AZIN2: variants seen among roughly 807,000 people sequenced by gnomAD.
The protein encoded by AZIN2 is antizyme inhibitor 2, also known as ODC antizyme inhibitor-2.
A neutral mutation model predicts 47.8 loss-of-function variants in AZIN2; 28 were observed. The ratio of observed to expected loss-of-function variants is 0.59; its 90% CI spans 0.43 to 0.80. AZIN2 has a LOEUF of 0.80. Among genes scored for constraint, AZIN2 ranks in the 30% least tolerant of loss-of-function variants. The probability of loss-of-function intolerance (pLI) is 0.00; values close to 1 mark genes in which losing one functional copy is unlikely to be tolerated. For missense variants in AZIN2, 535 were observed against 582.5 expected, an observed-to-expected ratio of 0.92 and a Z score of 0.84; for synonymous variants, 221 against 239.4, an observed-to-expected ratio of 0.92 and a Z score of 0.71.
chr1:33,153,625 C>T, the AZIN2 span, among the ~76,000 whole-genome samples: 1 of 152,160 alleles, frequency 6.6e-6, no homozygotes, highest in Non-Finnish European at 1.5e-5. Context: ...GGGGTGATGG[C>T]AAGTTCCACA....
the AZIN2 span, among the ~76,000 whole-genome samples, chr1:33,151,872 C>T: frequency 6.6e-6 from 1 of 152,250 alleles, no homozygotes; most frequent in Admixed American, 6.5e-5. Context: ...GGGCACAGCC[C>T]AGCACAGCTG....
At chr1:33,101,797 G>A (rs768725151) in intron 10 of AZIN2, 9 of 774,356 alleles carry the variant, frequency 1.2e-5, no homozygotes, top group Middle Eastern at 2.2e-4. Context: ...TTTGATGCAT[G>A]TAACCTGTTT....
chr1:33,155,627 C>T, the AZIN2 span, among the ~76,000 whole-genome samples: 3 of 152,142 alleles, frequency 2.0e-5, no homozygotes, highest in Non-Finnish European at 2.9e-5. Context: ...ATTTCCAAGT[C>T]GTGACCAAGG....
chr1:33,153,893 G>A, the AZIN2 span, among the ~76,000 whole-genome samples: 1 of 152,166 alleles, frequency 6.6e-6, no homozygotes, highest in Non-Finnish European at 1.5e-5. Context: ...ATCAGACCTG[G>A]CCCCTGACCC....
chr1:33,085,032 AT>A (rs1226101639), intron 5 of AZIN2, among the ~76,000 whole-genome samples: 2 of 152,148 alleles, frequency 1.3e-5, no homozygotes, highest in South Asian at 2.1e-4. Flanking sequence ...TGCTTAGTTT[AT>A]TTATTTCTAT....
At chr1:33,148,978 C>T in the AZIN2 span, among the ~76,000 whole-genome samples, 1 of 152,176 alleles carries the variant, frequency 6.6e-6, no homozygotes, top group South Asian at 2.1e-4. Flanking sequence ...ACTTCTGCCC[C>T]CTACCCCACT....
chr1:33,165,445 C>T, the AZIN2 span: 5 of 1,558,274 alleles, frequency 3.2e-6, no homozygotes, highest in Non-Finnish European at 4.3e-6. This position sits in a 1 kb window ranked among gnomAD's most constrained non-coding sequence, Gnocchi z 4.0. Context: ...CTGCCGGCCC[C>T]ACCTCCGCGC....
rs1642073598 is a variant in AZIN2 at position 33,087,669 on chromosome 1, C to T, written c.279+3542C>T. On this transcript the variant is annotated intron_variant, in intron 5 of 11. Coordinates refer to ENST00000294517, the MANE Select transcript of AZIN2 (RefSeq NM_052998.4). ...GCCAGGCTGGTCTTGAACTCCTGACCTCATGATTCACCTGCCTTGGCCTCC... is the reference window on the plus strand; with the variant it reads ...GCCAGGCTGGTCTTGAACTCCTGACTTCATGATTCACCTGCCTTGGCCTCC... Among the ~76,000 whole-genome samples the T allele has an allele frequency of 2.0e-5, 3 of 152,040 alleles. No individual in the cohort carries two copies. In the South Asian group the frequency reaches 6.2e-4, roughly 32 times the overall value.
chr1:33,161,224 TGA>T, the AZIN2 span, among the ~76,000 whole-genome samples: 113 of 152,312 alleles, frequency 7.4e-4, 1 homozygote, highest in African/African-American at 2.5e-3. This position sits in a 1 kb window ranked among gnomAD's most constrained non-coding sequence, Gnocchi z 4.3. Flanking sequence ...AAGTCTTCAT[TGA>T]GAGACGGGTT....
At chr1:33,093,731 C>CTTTTTT (rs776963959) in intron 7 of AZIN2, among the ~76,000 whole-genome samples, 1 of 134,676 alleles carries the variant, frequency 7.4e-6, no homozygotes, top group African/African-American at 2.8e-5. Flanking sequence ...TTCTTTCTTT[C>CTTTTTT]TTTTTTTTTT....
At chr1:33,105,240 T>C (rs1393238616) in intron 10 of AZIN2, among the ~76,000 whole-genome samples, 1 of 152,198 alleles carries the variant, frequency 6.6e-6, no homozygotes, top group African/African-American at 2.4e-5. Context: ...AAAAGTGTCA[T>C]AGTGCACTTT....
the AZIN2 span, among the ~76,000 whole-genome samples, chr1:33,153,338 G>T: frequency 6.6e-6 from 1 of 152,246 alleles, no homozygotes; most frequent in Non-Finnish European, 1.5e-5. Flanking sequence ...GGATGTTGGA[G>T]CACAGTCTGT....
upstream of AZIN2, chr1:33,081,385 CA>C (rs1326590344): frequency 6.5e-6 from 1 of 153,016 alleles, no homozygotes; most frequent in Non-Finnish European, 1.5e-5. This position sits in a 1 kb window ranked among gnomAD's most constrained non-coding sequence, Gnocchi z 4.2. Flanking sequence ...TGCCTCCTGT[CA>C]GCAGAGGCCT....
chr1:33,109,940 C>A (rs1450619101), intron 10 of AZIN2, among the ~76,000 whole-genome samples: 1 of 152,096 alleles, frequency 6.6e-6, no homozygotes, highest in Non-Finnish European at 1.5e-5. Flanking sequence ...GGAGTGTATG[C>A]TGAATCATGG....
chr1:33,105,759 A>G (rs779926167), intron 10 of AZIN2, among the ~76,000 whole-genome samples: 8 of 152,228 alleles, frequency 5.3e-5, no homozygotes, highest in South Asian at 2.1e-4. Flanking sequence ...TAAAGATGCA[A>G]TTCAACAAAT....
chr1:33,165,695 A>C, the AZIN2 span: 2 of 694,858 alleles, frequency 2.9e-6, no homozygotes, highest in East Asian at 6.3e-5. This position sits in a 1 kb window ranked among gnomAD's most constrained non-coding sequence, Gnocchi z 4.0. Flanking sequence ...GCCTCCCGTC[A>C]CAGTTCAACC....
At chr1:33,127,305 C>A (rs961481413), downstream of AZIN2, among the ~76,000 whole-genome samples, 1 of 152,248 alleles carries the variant, frequency 6.6e-6, no homozygotes, top group Non-Finnish European at 1.5e-5. Context: ...CTTCCGGTAG[C>A]GTAAAGTCAC....
chr1:33,099,790 G>A (rs370086863), intron 10 of AZIN2, among the ~76,000 whole-genome samples: 1 of 152,188 alleles, frequency 6.6e-6, no homozygotes, highest in African/African-American at 2.4e-5. Context: ...GGCCACGTGA[G>A]CGCCTCCAGA....
chr1:33,120,229 C>T lies in AZIN2; in HGVS notation c.*47C>T. 6.4e-7 allele frequency: 1 copy of T among 1,556,660 alleles called. No homozygotes were observed. ...GAATCCCAGCGGGGCCTCAGAGATG[C>T]ATCTGGGAGAGGTGGGGAAGATGGC... On this transcript the variant is annotated 3_prime_UTR_variant, in exon 12 of 12. Transcript: ENST00000294517.
Sources: allele counts gnomAD v4.1 joint callset (sites outside exome capture counted in the v4.1 genomes callset), GRCh38; gene constraint gnomAD v4.1.1; non-coding constraint Gnocchi (gnomAD v3.1); transcripts MANE v1.5; gene names NCBI Gene and HGNC (gene_info 2026-07-23, HGNC 2026-07-21).